CHRDL1: variants seen among roughly 807,000 people sequenced by gnomAD.
CHRDL1 encodes the protein chordin-like protein 1.
In CHRDL1, 19 loss-of-function variants were observed where a neutral mutation model predicts 40.9. That is an observed-to-expected ratio of 0.46 (90% CI 0.32 to 0.68). The LOEUF is 0.68. Among genes scored for constraint, CHRDL1 ranks in the 30% least tolerant of loss-of-function variants. The probability of loss-of-function intolerance (pLI) is 0.03; values close to 1 mark genes in which losing one functional copy is unlikely to be tolerated. For missense variants in CHRDL1, 329 were observed against 352.1 expected (o/e 0.93, Z 0.53); for synonymous variants, 136 against 123.4 (o/e 1.10, Z -0.68).
At chrX:110,712,239 C>T (rs1356912398) in intron 6 of CHRDL1, among the ~76,000 whole-genome samples, 1 of 111,881 alleles carries the variant, frequency 8.9e-6, no homozygotes, top group Non-Finnish European at 1.9e-5. Context: ...AGTGATTGGG[C>T]AAAACTATTA....
intron 9 of CHRDL1, among the ~76,000 whole-genome samples, chrX:110,686,902 A>C (rs1266744163): frequency 1.9e-5 from 2 of 107,092 alleles, no homozygotes; most frequent in African/African-American, 6.9e-5. Flanking sequence ...AAAAAATAAA[A>C]AAAAAAATAA....
chrX:110,735,328 T>C (rs1040809406), intron 4 of CHRDL1, among the ~76,000 whole-genome samples: 1 of 112,269 alleles, frequency 8.9e-6, no homozygotes. Context: ...TAAAGAAACC[T>C]GTTTAATGAT....
intron 2 of CHRDL1, among the ~76,000 whole-genome samples, chrX:110,771,550 T>C (rs2089760586): frequency 8.9e-6 from 1 of 112,369 alleles, no homozygotes; most frequent in Non-Finnish European, 1.9e-5. Flanking sequence ...ATCAATGTAA[T>C]TCACCATATC....
At chrX:110,793,871 CAT>C (rs1275145619) in intron 1 of CHRDL1, among the ~76,000 whole-genome samples, 1 of 111,813 alleles carries the variant, frequency 8.9e-6, no homozygotes, top group Non-Finnish European at 1.9e-5. Context: ...GAAAACAGCT[CAT>C]AGATTTTTTT....
chrX:110,752,429 C>G (rs946031996), intron 4 of CHRDL1, among the ~76,000 whole-genome samples: 3 of 111,393 alleles, frequency 2.7e-5, no homozygotes, highest in Non-Finnish European at 3.8e-5. Flanking sequence ...CAAGGACCAA[C>G]AGTATGAGAA....
intron 6 of CHRDL1, among the ~76,000 whole-genome samples, chrX:110,716,452 T>C (rs973856743): frequency 6.3e-5 from 7 of 110,796 alleles, no homozygotes; most frequent in Admixed American, 9.7e-5. Flanking sequence ...ATAGGGATGA[T>C]AATACATGGG....
intron 4 of CHRDL1, among the ~76,000 whole-genome samples, chrX:110,728,457 A>G (rs1005589844): frequency 1.8e-5 from 2 of 111,389 alleles, no homozygotes; most frequent in Non-Finnish European, 3.8e-5. Context: ...TAGAAAATCA[A>G]TCCTACAAAG....
At chrX:110,683,162 C>T (rs763811689) in intron 9 of CHRDL1, among the ~76,000 whole-genome samples, 80 of 112,328 alleles carry the variant, frequency 7.1e-4, no homozygotes, top group Non-Finnish European at 1.3e-3. Context: ...TGCACCACTA[C>T]CTCCTTCCCT....
At chrX:110,698,444 A>G (rs1022357467) in intron 7 of CHRDL1, among the ~76,000 whole-genome samples, 1 of 111,922 alleles carries the variant, frequency 8.9e-6, no homozygotes, top group African/African-American at 3.3e-5. Flanking sequence ...TACAGATGCT[A>G]TTTATTATTC....
intron 2 of CHRDL1, among the ~76,000 whole-genome samples, chrX:110,777,466 C>T (rs938665378): frequency 3.6e-5 from 4 of 111,786 alleles, no homozygotes; most frequent in South Asian, 3.7e-4. Context: ...TTCTCATCAG[C>T]AATGATTGAA....
chrX:110,686,558 T>C (rs1033661932), intron 9 of CHRDL1, among the ~76,000 whole-genome samples: 1 of 111,632 alleles, frequency 9.0e-6, no homozygotes, highest in Non-Finnish European at 1.9e-5. Flanking sequence ...GAGGATCCAG[T>C]GAGACCACAG....
intron 4 of CHRDL1, among the ~76,000 whole-genome samples, chrX:110,755,824 T>G (rs750158449): frequency 1.8e-5 from 2 of 111,895 alleles, no homozygotes; most frequent in South Asian, 7.6e-4. Flanking sequence ...TCCTCATGCC[T>G]AATAATCACT....
chrX:110,717,852 T>C (rs190047026), intron 6 of CHRDL1, among the ~76,000 whole-genome samples: 2 of 111,926 alleles, frequency 1.8e-5, no homozygotes, highest in Non-Finnish European at 3.8e-5. Context: ...CAGCAAATCC[T>C]ATAATTTTTT....
intron 4 of CHRDL1, among the ~76,000 whole-genome samples, chrX:110,759,384 C>T (rs936483628): frequency 4.4e-5 from 5 of 112,548 alleles, no homozygotes; most frequent in Non-Finnish European, 9.4e-5. Flanking sequence ...AGCAGAAAAT[C>T]TCTGGGCCAC....
Position 110,694,170 on chromosome X carries a change from A to G in CHRDL1, c.771T>C (p.His257=). 3 of 1,206,553 alleles carry G rather than the reference A, an allele frequency of 2.5e-6. No homozygotes were observed. The highest frequency in any genetic ancestry group is 3.4e-6 in the Non-Finnish European group (3 of 891,202). Residue 257 remains histidine (H), a synonymous_variant, in exon 8 of 12, where the codon CAT becomes CAC. Coordinates refer to ENST00000372042, the MANE Select transcript of CHRDL1 (RefSeq NM_001143981.2). ...VQIVINNKHK[H]GQVCVSNGKT... is the part of the protein sequence containing the mutation. ...AAGAAGGATGCCCCTTACCTTGTCC[A>G]TGCTTGTGTTTGTTATTGATGACAA...
intron 6 of CHRDL1, among the ~76,000 whole-genome samples, chrX:110,716,254 A>G (rs1168048855): frequency 9.0e-6 from 1 of 111,101 alleles, no homozygotes; most frequent in East Asian, 2.8e-4. Context: ...TCAATCAGTA[A>G]TTCAGGGGGA....
At chrX:110,698,097 G>C (rs967881651) in intron 7 of CHRDL1, among the ~76,000 whole-genome samples, 1 of 111,299 alleles carries the variant, frequency 9.0e-6, no homozygotes, top group African/African-American at 3.3e-5. Flanking sequence ...AGGTTTTGCT[G>C]GTTCCCGGTA....
chrX:110,689,791 C>CTA (rs1569462242), intron 8 of CHRDL1, among the ~76,000 whole-genome samples: 4 of 43,889 alleles, frequency 9.1e-5, no homozygotes, highest in African/African-American at 6.5e-4. Context: ...CTATATATAT[C>CTA]TATACATCTA....
At chrX:110,724,262 C>T (rs182725525) in intron 4 of CHRDL1, among the ~76,000 whole-genome samples, 4 of 112,103 alleles carry the variant, frequency 3.6e-5, no homozygotes, top group Non-Finnish European at 5.6e-5. Context: ...TTGAACCGGG[C>T]CTTCTACCAA....
Sources: allele counts gnomAD v4.1 joint callset (sites outside exome capture counted in the v4.1 genomes callset), GRCh38; gene constraint gnomAD v4.1.1; transcripts MANE v1.5; gene names NCBI Gene and HGNC (gene_info 2026-07-23, HGNC 2026-07-21).